The following PPARGC1A variants were observed in gnomAD, a reference collection of about 807,000 sequenced individuals.
PPARGC1A encodes the protein PPARG coactivator 1 alpha.
PPARGC1A carries 25 observed loss-of-function variants against 88.7 expected under a neutral mutation model. That is an observed-to-expected ratio of 0.28 (90% CI 0.21 to 0.39). The LOEUF is 0.39. Among genes scored for constraint, PPARGC1A ranks in the 10% least tolerant of loss-of-function variants. The pLI is 1.00. For synonymous variants in PPARGC1A, 363 were observed against 355.6 expected (o/e 1.02, Z -0.24); for missense variants, 880 against 968.7 (o/e 0.91, Z 1.22).
At chr4:24,185,992 GA>G in the PPARGC1A span, among the ~76,000 whole-genome samples, 3 of 151,208 alleles carry the variant, frequency 2.0e-5, no homozygotes, top group Non-Finnish European at 4.4e-5. Flanking sequence ...GAGAGGAGGG[GA>G]AAAAAGAAAA....
chr4:24,096,242 G>A, the PPARGC1A span, among the ~76,000 whole-genome samples: 2 of 152,156 alleles, frequency 1.3e-5, no homozygotes, highest in Non-Finnish European at 2.9e-5. Flanking sequence ...ATTTCCTGGG[G>A]CCTCCTAGCA....
the PPARGC1A span, among the ~76,000 whole-genome samples, chr4:24,066,190 T>C: frequency 1.3e-5 from 2 of 151,994 alleles, no homozygotes; most frequent in East Asian, 3.9e-4. Flanking sequence ...GGAGGACGAC[T>C]GTCGCTGTGC....
chr4:24,348,346 C>T, the PPARGC1A span, among the ~76,000 whole-genome samples: 24,866 of 152,190 alleles, frequency 0.16, 2,157 homozygotes, highest in Non-Finnish European at 0.18. Flanking sequence ...ATTTGGATGT[C>T]TAGGTCTCTC....
At chr4:23,952,158 T>A in the PPARGC1A span, among the ~76,000 whole-genome samples, 1 of 152,152 alleles carries the variant, frequency 6.6e-6, no homozygotes, top group Non-Finnish European at 1.5e-5. Flanking sequence ...ACTCTTGGGT[T>A]CGTAGCCTCA....
intron 12 of PPARGC1A, among the ~76,000 whole-genome samples, chr4:23,799,651 C>T (rs537407653): frequency 1.3e-5 from 2 of 152,186 alleles, no homozygotes; most frequent in East Asian, 1.9e-4. Flanking sequence ...AAATACAGAG[C>T]GAGCTTAGCA....
the PPARGC1A span, among the ~76,000 whole-genome samples, chr4:24,131,443 T>G: frequency 6.6e-6 from 1 of 152,214 alleles, no homozygotes; most frequent in Non-Finnish European, 1.5e-5. Context: ...ATATGATCCT[T>G]GTCCTGGTAG....
At chr4:24,291,044 G>C in the PPARGC1A span, among the ~76,000 whole-genome samples, 1,843 of 152,216 alleles carry the variant, frequency 0.012, 46 homozygotes, top group African/African-American at 0.042. Context: ...CCTCCTCTCT[G>C]GTTAGCCCTT....
chr4:24,066,341 CAAT>C, the PPARGC1A span, among the ~76,000 whole-genome samples: 6 of 152,040 alleles, frequency 3.9e-5, no homozygotes, highest in Admixed American at 1.3e-4. Flanking sequence ...AGAAAAACAA[CAAT>C]GACAAAAAGT....
the PPARGC1A span, among the ~76,000 whole-genome samples, chr4:24,390,546 A>T: frequency 6.6e-6 from 1 of 152,098 alleles, no homozygotes; most frequent in African/African-American, 2.4e-5. Flanking sequence ...ACTTATGTAC[A>T]TTACCTCTAC....
At chr4:24,326,966 A>G in the PPARGC1A span, among the ~76,000 whole-genome samples, 1 of 152,042 alleles carries the variant, frequency 6.6e-6, no homozygotes, top group East Asian at 1.9e-4. Flanking sequence ...TAGGCTTCCC[A>G]CCTCTATACA....
chr4:24,176,891 T>C, the PPARGC1A span, among the ~76,000 whole-genome samples: 15 of 152,172 alleles, frequency 9.9e-5, no homozygotes, highest in African/African-American at 3.6e-4. Flanking sequence ...AAGGTTCTCA[T>C]CTTTTTTGAA....
the PPARGC1A span, among the ~76,000 whole-genome samples, chr4:24,159,916 C>G: frequency 6.6e-6 from 1 of 152,194 alleles, no homozygotes; most frequent in African/African-American, 2.4e-5. Context: ...TGCTGAAAGG[C>G]CACTCCCTGA....
chr4:24,371,423 C>G, the PPARGC1A span, among the ~76,000 whole-genome samples: 2 of 151,896 alleles, frequency 1.3e-5, no homozygotes, highest in East Asian at 3.9e-4. Flanking sequence ...ACAAAACAAT[C>G]GAGTTGCTTA....
the PPARGC1A span, among the ~76,000 whole-genome samples, chr4:24,272,138 G>A: frequency 6.6e-6 from 1 of 152,092 alleles, no homozygotes; most frequent in African/African-American, 2.4e-5. Context: ...CTGAGTCCAT[G>A]GGATGATGCT....
the PPARGC1A span, among the ~76,000 whole-genome samples, chr4:23,982,882 G>A: frequency 2.0e-5 from 3 of 152,054 alleles, no homozygotes; most frequent in Admixed American, 6.6e-5. Flanking sequence ...TATCTTTAAC[G>A]AAGTTTGGCA....
the PPARGC1A span, among the ~76,000 whole-genome samples, chr4:24,240,118 T>C: frequency 6.6e-6 from 1 of 152,212 alleles, no homozygotes; most frequent in Non-Finnish European, 1.5e-5. Flanking sequence ...TTAGTTTAAA[T>C]TAATGCCCTT....
chr4:24,364,948 GAATT>G, the PPARGC1A span, among the ~76,000 whole-genome samples: 1 of 152,102 alleles, frequency 6.6e-6, no homozygotes, highest in East Asian at 1.9e-4. Context: ...GCAGATGAAT[GAATT>G]ATTACTAACT....
At chr4:24,273,725 CTTT>C in the PPARGC1A span, among the ~76,000 whole-genome samples, 2,009 of 100,976 alleles carry the variant, frequency 0.02, 24 homozygotes, top group Non-Finnish European at 0.027. Context: ...CCTTGGGGCA[CTTT>C]TTTTTTTTTT....
At chr4:23,819,970 C>A (rs1209948585) in intron 7 of PPARGC1A, among the ~76,000 whole-genome samples, 1 of 152,106 alleles carries the variant, frequency 6.6e-6, no homozygotes. Context: ...AGTATGTATG[C>A]CAAAAGGCTA....
Sources: gnomAD v4.1 joint callset for allele counts (sites outside exome capture counted in the v4.1 genomes callset) on GRCh38, gnomAD v4.1.1 for gene constraint, MANE v1.5 for transcripts, NCBI Gene and HGNC (gene_info 2026-07-23, HGNC 2026-07-21) for gene names.